Variants in CHIC2 observed in about 807,000 individuals in gnomAD.
The protein encoded by CHIC2 is cysteine-rich hydrophobic domain-containing protein 2.
CHIC2 carries 14 observed loss-of-function variants against 25.9 expected under a neutral mutation model. That is an observed-to-expected ratio of 0.54 (90% CI 0.36 to 0.85). The LOEUF (loss-of-function observed/expected upper bound fraction) is 0.85. Ranked by LOEUF, CHIC2 falls within the 40% of genes least tolerant of loss-of-function variation. The pLI is 0.01. For missense variants in CHIC2, 146 were observed against 202.0 expected (o/e 0.72, Z 1.68); for synonymous variants, 70 against 72.0 (o/e 0.97, Z 0.14).
At chr4:54,056,578 A>T (rs1717182808) in intron 1 of CHIC2, among the ~76,000 whole-genome samples, 1 of 152,204 alleles carries the variant, frequency 6.6e-6, no homozygotes, top group African/African-American at 2.4e-5. Flanking sequence ...AAGATCAAAG[A>T]GAATAAAACA....
intron 1 of CHIC2, chr4:54,061,295 G>A (rs1215897589): frequency 2.0e-5 from 3 of 152,052 alleles, no homozygotes; most frequent in East Asian, 1.9e-4. Flanking sequence ...ATCACGTCAC[G>A]TGAGAATACC....
upstream of CHIC2, among the ~76,000 whole-genome samples, chr4:54,068,589 C>G (rs1717560999): frequency 6.6e-6 from 1 of 152,178 alleles, no homozygotes; most frequent in African/African-American, 2.4e-5. Context: ...TGTGTGGCAG[C>G]CTATTTGTGT....
the CHIC2 span, among the ~76,000 whole-genome samples, chr4:54,069,655 C>T: frequency 6.6e-6 from 1 of 152,226 alleles, no homozygotes; most frequent in Non-Finnish European, 1.5e-5. Context: ...TGCCAGCCTA[C>T]AGTCAACTCA....
At chr4:54,077,902 T>C in the CHIC2 span, among the ~76,000 whole-genome samples, 3 of 152,222 alleles carry the variant, frequency 2.0e-5, no homozygotes, top group African/African-American at 4.8e-5. Context: ...AGCATGAATG[T>C]TGACTAAATC....
At chr4:54,031,631 T>A (rs1716231547) in intron 3 of CHIC2, among the ~76,000 whole-genome samples, 1 of 144,248 alleles carries the variant, frequency 6.9e-6, no homozygotes, top group East Asian at 2.0e-4. Context: ...TTTTTTTTTT[T>A]TTTGTGAGAC....
At chr4:54,044,801 G>A (rs1403459884) in intron 3 of CHIC2, among the ~76,000 whole-genome samples, 1 of 152,062 alleles carries the variant, frequency 6.6e-6, no homozygotes, top group African/African-American at 2.4e-5. Flanking sequence ...TAAGATCAGA[G>A]CAGAACTGAA....
At chr4:54,067,146 C>G (rs991795490), upstream of CHIC2, among the ~76,000 whole-genome samples, 1 of 152,238 alleles carries the variant, frequency 6.6e-6, no homozygotes, top group Non-Finnish European at 1.5e-5. Context: ...GAACCTCACT[C>G]TTATCTTCAC....
the CHIC2 span, among the ~76,000 whole-genome samples, chr4:54,090,193 A>G: frequency 6.6e-6 from 1 of 151,794 alleles, no homozygotes; most frequent in Non-Finnish European, 1.5e-5. Context: ...TATTTTATAT[A>G]TATATATTTT....
At chr4:54,069,327 C>A (rs1005787862), upstream of CHIC2, among the ~76,000 whole-genome samples, 1 of 152,206 alleles carries the variant, frequency 6.6e-6, no homozygotes, top group African/African-American at 2.4e-5. Context: ...CCACACCCAG[C>A]CAAGAAGGAT....
the CHIC2 span, among the ~76,000 whole-genome samples, chr4:54,088,312 CA>C: frequency 5.3e-5 from 8 of 151,960 alleles, no homozygotes; most frequent in Admixed American, 5.2e-4. Context: ...ATGGTTTTTG[CA>C]TTTGAGTCTA....
chr4:54,027,235 T>C (rs1185316582), intron 3 of CHIC2, among the ~76,000 whole-genome samples: 2 of 152,168 alleles, frequency 1.3e-5, no homozygotes, highest in Non-Finnish European at 2.9e-5. Flanking sequence ...ACCACACCAA[T>C]ACTATGTTCT....
At chr4:54,054,269 T>G (rs1215008579) in intron 1 of CHIC2, among the ~76,000 whole-genome samples, 1 of 152,242 alleles carries the variant, frequency 6.6e-6, no homozygotes, top group Non-Finnish European at 1.5e-5. Context: ...CCTCTGTCCT[T>G]CTTACTTCAG....
At chr4:54,082,013 A>G in the CHIC2 span, among the ~76,000 whole-genome samples, 1 of 152,362 alleles carries the variant, frequency 6.6e-6, no homozygotes, top group African/African-American at 2.4e-5. Flanking sequence ...ATGGACCACA[A>G]ACAGGCTAGC....
chr4:54,077,232 T>C, the CHIC2 span, among the ~76,000 whole-genome samples: 1 of 152,236 alleles, frequency 6.6e-6, no homozygotes, highest in Non-Finnish European at 1.5e-5. Context: ...TAAATTCTCT[T>C]CCTTCAGTTC....
chr4:54,033,600 G>T (rs920277954), intron 3 of CHIC2, among the ~76,000 whole-genome samples: 3 of 152,172 alleles, frequency 2.0e-5, no homozygotes, highest in South Asian at 4.2e-4. Context: ...TTCTTCCTAA[G>T]CCCAGGTCAC....
the CHIC2 span, among the ~76,000 whole-genome samples, chr4:54,083,219 T>A: frequency 6.6e-6 from 1 of 151,876 alleles, no homozygotes; most frequent in Non-Finnish European, 1.5e-5. Flanking sequence ...TTCACTATGT[T>A]GGTCAGGCTG....
At chr4:54,072,888 C>T in the CHIC2 span, among the ~76,000 whole-genome samples, 9 of 152,246 alleles carry the variant, frequency 5.9e-5, 1 homozygote, top group Admixed American at 5.2e-4. Context: ...CTGGCTAACA[C>T]AGTGAAACCC....
upstream of CHIC2, chr4:54,064,611 A>G (rs1401161928): frequency 3.4e-6 from 4 of 1,162,902 alleles, no homozygotes; most frequent in East Asian, 1.8e-4. This position sits in a 1 kb window ranked among gnomAD's most constrained non-coding sequence, Gnocchi z 4.2. Flanking sequence ...AAACCACAGC[A>G]ACAGCCCGAG....
the CHIC2 span, among the ~76,000 whole-genome samples, chr4:54,090,961 G>A: frequency 6.6e-6 from 1 of 151,934 alleles, no homozygotes; most frequent in Admixed American, 6.6e-5. Flanking sequence ...AAGGCCCAGT[G>A]GAAGTTCCAA....
Sources: gnomAD v4.1 joint callset for allele counts (sites outside exome capture counted in the v4.1 genomes callset) on GRCh38, gnomAD v4.1.1 for gene constraint, Gnocchi (gnomAD v3.1) non-coding constraint, MANE v1.5 for transcripts, NCBI Gene and HGNC (gene_info 2026-07-23, HGNC 2026-07-21) for gene names.